Variants in IL1RAPL1 observed in about 807,000 individuals in gnomAD.
IL1RAPL1 encodes the protein interleukin 1 receptor accessory protein like 1.
Under a neutral mutation model 48.4 loss-of-function variants are expected in IL1RAPL1, and 3 were observed. The observed-to-expected ratio is 0.06, with a 90% confidence interval of 0.03 to 0.16. The LOEUF is 0.16. IL1RAPL1 is among the 10% of genes least tolerant of loss of function. IL1RAPL1 has a pLI of 1.00. For missense variants in IL1RAPL1, 349 were observed against 530.6 expected (o/e 0.66, Z 3.36); for synonymous variants, 185 against 187.7 (o/e 0.99, Z 0.12).
chrX:29,852,857 A>T (rs1287742555), intron 6 of IL1RAPL1, among the ~76,000 whole-genome samples: 1 of 111,929 alleles, frequency 8.9e-6, no homozygotes, highest in Non-Finnish European at 1.9e-5. Context: ...TATGAAGTTT[A>T]CAGTCAGATT....
chrX:29,904,368 TTTTAA>T (rs1258704094), intron 6 of IL1RAPL1, among the ~76,000 whole-genome samples: 1 of 83,703 alleles, frequency 1.2e-5, no homozygotes, highest in East Asian at 3.0e-4. Context: ...CTTTTTTTAA[TTTTAA>T]TTTTTTAAGT....
chrX:28,735,372 A>G (rs1200943869), intron 1 of IL1RAPL1, among the ~76,000 whole-genome samples: 1 of 110,830 alleles, frequency 9.0e-6, no homozygotes, highest in Non-Finnish European at 1.9e-5. Flanking sequence ...CTTGAAGGGC[A>G]GAAAGCACAT....
At chrX:28,615,199 GTTTTTTTTTTTTTTTTTTT>G (rs778402885) in intron 1 of IL1RAPL1, among the ~76,000 whole-genome samples, 7 of 26,055 alleles carry the variant, frequency 2.7e-4, no homozygotes, top group East Asian at 2.9e-3. Context: ...ACTGTTGTCT[GTTTTTTTTTTTTTTTTTTT>G]TTTTTTTTTT....
At chrX:29,189,523 A>G (rs1156492559) in intron 2 of IL1RAPL1, among the ~76,000 whole-genome samples, 1 of 111,502 alleles carries the variant, frequency 9.0e-6, no homozygotes, top group East Asian at 2.8e-4. Context: ...TCTCAGAAGA[A>G]TTATATATTC....
At chrX:29,253,779 G>A (rs768361532) in intron 2 of IL1RAPL1, among the ~76,000 whole-genome samples, 1 of 110,894 alleles carries the variant, frequency 9.0e-6, no homozygotes, top group East Asian at 2.8e-4. Flanking sequence ...GGGAAGAGAT[G>A]ATTAGAAAAC....
chrX:29,850,615 G>C (rs998334739), intron 6 of IL1RAPL1, among the ~76,000 whole-genome samples: 25 of 112,528 alleles, frequency 2.2e-4, no homozygotes, highest in African/African-American at 8.1e-4. Context: ...GGCGACTGTG[G>C]AAAGCAGGGC....
chrX:29,803,298 T>TAC (rs1353445663), intron 6 of IL1RAPL1, among the ~76,000 whole-genome samples: 3 of 34,855 alleles, frequency 8.6e-5, no homozygotes, highest in Admixed American at 2.5e-4. Flanking sequence ...TATATATGTA[T>TAC]ACATATACAC....
At chrX:29,747,936 A>G (rs1225263259) in intron 6 of IL1RAPL1, among the ~76,000 whole-genome samples, 1 of 111,714 alleles carries the variant, frequency 9.0e-6, no homozygotes, top group African/African-American at 3.2e-5. Context: ...TTTCTCCCCC[A>G]ATCTTAAAGA....
At position 29,168,570 on chromosome X, in the gene IL1RAPL1, T is replaced by TATAC. The variant is rs771897220; in HGVS notation, c.83-114367_83-114366insTACA. On this transcript the variant is annotated intron_variant, in intron 2 of 10. Transcript: ENST00000378993. The stretch of plus-strand genomic sequence containing the variant: ...GTATTCAATTGTATATATATATATA[T>TATAC]ACACACACAATTGTATATATATATT... Among the ~76,000 whole-genome samples, 16 of 95,894 alleles carry TATAC rather than the reference T, an allele frequency of 1.7e-4. 1 individual carries two copies. The highest frequency in any genetic ancestry group is 6.0e-4 in the Admixed American group (5 of 8,273). The allele number at this position is 95,894 out of a possible 115,157, so 83.3% of individuals were successfully genotyped here. A position where few individuals can be genotyped will look rare whatever the true frequency, so the allele number is the denominator to read the frequency against.
intron 6 of IL1RAPL1, among the ~76,000 whole-genome samples, chrX:29,879,383 GTGTGTGTGTGTGTA>G (rs1185599028): frequency 9.9e-5 from 10 of 101,424 alleles, no homozygotes; most frequent in African/African-American, 3.9e-4. Context: ...GTGTGTGTGT[GTGTGTGTGTGTGTA>G]TATATATATA....
At chrX:29,009,015 C>T (rs1278033868) in intron 2 of IL1RAPL1, among the ~76,000 whole-genome samples, 3 of 110,692 alleles carry the variant, frequency 2.7e-5, no homozygotes, top group Admixed American at 1.9e-4. Flanking sequence ...ACTACATAGC[C>T]ACAAAAAAGA....
intron 5 of IL1RAPL1, among the ~76,000 whole-genome samples, chrX:29,650,573 A>G (rs1363988694): frequency 9.0e-6 from 1 of 111,228 alleles, no homozygotes; most frequent in East Asian, 2.8e-4. Flanking sequence ...GGATAGCCAC[A>G]TGCAGAAAAA....
At chrX:29,069,982 A>G (rs1007328696) in intron 2 of IL1RAPL1, among the ~76,000 whole-genome samples, 1 of 111,548 alleles carries the variant, frequency 9.0e-6, no homozygotes, top group Non-Finnish European at 1.9e-5. Context: ...ACCTGGTCCT[A>G]TATCAGTTCA....
chrX:29,252,114 G>A (rs769662374), intron 2 of IL1RAPL1, among the ~76,000 whole-genome samples: 2 of 109,709 alleles, frequency 1.8e-5, no homozygotes, highest in African/African-American at 6.9e-5. Context: ...GGGGACTGTT[G>A]TGGGGTAAGG....
chrX:28,789,574 C>A, intron 2 of IL1RAPL1, 149 bp downstream of exon 2: 1 of 482,993 alleles, frequency 2.1e-6, no homozygotes, highest in Non-Finnish European at 3.7e-6. Flanking sequence ...ATAGGTGGAG[C>A]ACACTCATAG....
At chrX:28,712,166 T>C (rs1367946389) in intron 1 of IL1RAPL1, among the ~76,000 whole-genome samples, 1 of 110,935 alleles carries the variant, frequency 9.0e-6, no homozygotes, top group Admixed American at 9.7e-5. Context: ...GTACAGCTCC[T>C]TGAGGGCCAC....
chrX:28,811,189 A>G (rs57079647), intron 2 of IL1RAPL1, among the ~76,000 whole-genome samples: 1,138 of 110,742 alleles, frequency 0.01, 11 homozygotes, highest in African/African-American at 0.035. Flanking sequence ...ATAATCTGAT[A>G]ACCCTCTCCC....
intron 2 of IL1RAPL1, among the ~76,000 whole-genome samples, chrX:29,084,992 C>T (rs971431522): frequency 1.8e-5 from 2 of 111,887 alleles, no homozygotes; most frequent in African/African-American, 3.2e-5. Flanking sequence ...TGCGCCCAGC[C>T]GCATTTATTC....
intron 2 of IL1RAPL1, among the ~76,000 whole-genome samples, chrX:28,903,284 G>A (rs1337278297): frequency 1.8e-5 from 2 of 109,897 alleles, no homozygotes; most frequent in African/African-American, 3.3e-5. Flanking sequence ...CATGCCCTGC[G>A]AATTTTTGTA....
Sources: gnomAD v4.1 joint callset for allele counts (sites outside exome capture counted in the v4.1 genomes callset) on GRCh38, gnomAD v4.1.1 for gene constraint, MANE v1.5 for transcripts, NCBI Gene and HGNC (gene_info 2026-07-23, HGNC 2026-07-21) for gene names.